The following FGF14 variants were observed in gnomAD, a reference collection of about 807,000 sequenced individuals.
The protein encoded by FGF14 is fibroblast growth factor homologous factor 4.
In FGF14, 5 loss-of-function variants were observed where a neutral mutation model predicts 25.5. The observed-to-expected ratio is 0.20, with a 90% confidence interval of 0.10 to 0.41. The LOEUF is 0.41. Among genes scored for constraint, FGF14 ranks in the 10% least tolerant of loss-of-function variants. The pLI, the probability that FGF14 is intolerant of heterozygous loss-of-function variation, is 1.00. For missense variants in FGF14, 222 were observed against 320.1 expected (o/e 0.69, Z 2.34); for synonymous variants, 138 against 118.3 (o/e 1.17, Z -1.08).
chr13:102,211,317 C>T (rs2050149057), intron 1 of FGF14, among the ~76,000 whole-genome samples: 1 of 152,116 alleles, frequency 6.6e-6, no homozygotes, highest in Admixed American at 6.5e-5. Flanking sequence ...ATTTACCCCA[C>T]TCTTATCTAA....
At chr13:101,835,711 T>C (rs2042891333) in intron 3 of FGF14, among the ~76,000 whole-genome samples, 2 of 151,918 alleles carry the variant, frequency 1.3e-5, no homozygotes, top group Non-Finnish European at 2.9e-5. Flanking sequence ...ACTGGCAAGA[T>C]GGAGGTCTCT....
At chr13:102,361,804 T>C (rs577079820) in intron 1 of FGF14, among the ~76,000 whole-genome samples, 207 of 152,324 alleles carry the variant, frequency 1.4e-3, no homozygotes, top group African/African-American at 4.7e-3. Context: ...TTCATTAGGT[T>C]ATGATTTTAA....
chr13:102,002,919 C>T (rs1487759225), intron 1 of FGF14: 1 of 152,154 alleles, frequency 6.6e-6, no homozygotes, highest in East Asian at 1.9e-4. Context: ...TTCCTTACAG[C>T]TGTGTCCTTA....
At chr13:101,747,728 C>T (rs1422364253) in intron 3 of FGF14, among the ~76,000 whole-genome samples, 1 of 151,784 alleles carries the variant, frequency 6.6e-6, no homozygotes, top group East Asian at 1.9e-4. Context: ...ACTATGCATC[C>T]AACAAAAGAT....
intron 1 of FGF14, among the ~76,000 whole-genome samples, chr13:102,070,871 C>T (rs1000104389): frequency 6.6e-6 from 1 of 152,004 alleles, no homozygotes. Context: ...GCCATGAAGC[C>T]GAAACTACAA....
Position 102,400,058 on chromosome 13 carries a change from C to T in FGF14, c.208+1413G>A, listed in dbSNP as rs898447255. On this transcript the variant is annotated intron_variant, in intron 1 of 4. Coordinates refer to the FGF14 transcript ENST00000376131. The surrounding 1 kb of genome is among the most constrained non-coding windows in gnomAD (Gnocchi z 4.3). The stretch of plus-strand genomic sequence containing the variant: ...CACCCACCGCCTCCGTCCCCGCCCA[C>T]CCGCACCTCCTCCTCCTCTGCCTCG... Among the ~76,000 whole-genome samples, 1 of 152,108 alleles carries T rather than the reference C, an allele frequency of 6.6e-6. No individual in the cohort carries two copies. The highest frequency in any genetic ancestry group is 2.4e-5 in the African/African-American group (1 of 41,434).
intron 3 of FGF14, among the ~76,000 whole-genome samples, chr13:101,795,526 T>C (rs1421467226): frequency 6.6e-6 from 1 of 152,126 alleles, no homozygotes; most frequent in Admixed American, 6.6e-5. Flanking sequence ...TCCATACCCC[T>C]GACTCATATC....
At chr13:101,850,441 G>A (rs1451998481) in intron 3 of FGF14, among the ~76,000 whole-genome samples, 3 of 126,870 alleles carry the variant, frequency 2.4e-5, no homozygotes, top group East Asian at 4.6e-4. Flanking sequence ...GAAACAGGGC[G>A]AGACTCTGTC....
At chr13:102,217,785 G>A (rs891746453) in intron 1 of FGF14, among the ~76,000 whole-genome samples, 2 of 152,092 alleles carry the variant, frequency 1.3e-5, no homozygotes, top group South Asian at 4.1e-4. Context: ...CCGGTGAAGC[G>A]CTACAGCTGA....
At chr13:102,258,564 A>G (rs552580927) in intron 1 of FGF14, among the ~76,000 whole-genome samples, 1 of 152,124 alleles carries the variant, frequency 6.6e-6, no homozygotes, top group Admixed American at 6.5e-5. Context: ...TATTGCCCCC[A>G]TACCTTCAGT....
intron 1 of FGF14, among the ~76,000 whole-genome samples, chr13:102,083,985 A>G (rs912190438): frequency 1.3e-5 from 2 of 152,142 alleles, no homozygotes; most frequent in Non-Finnish European, 2.9e-5. Context: ...GTCTCTCTTA[A>G]TCTCCGAGTT....
chr13:102,075,500 G>C (rs538555960), intron 1 of FGF14, among the ~76,000 whole-genome samples: 2 of 152,242 alleles, frequency 1.3e-5, no homozygotes, highest in South Asian at 4.1e-4. Context: ...CTACTGTGCT[G>C]CCAGTCATCT....
chr13:101,937,537 C>A (rs537324216), intron 1 of FGF14, among the ~76,000 whole-genome samples: 118 of 152,202 alleles, frequency 7.8e-4, no homozygotes, highest in Admixed American at 2.3e-3. Flanking sequence ...TTACTGACAC[C>A]TTGACCGTGG....
chr13:101,932,393 C>T (rs111842027), intron 1 of FGF14, among the ~76,000 whole-genome samples: 4 of 151,676 alleles, frequency 2.6e-5, no homozygotes, highest in Non-Finnish European at 5.9e-5. Context: ...GTTAGCTGGG[C>T]GTGGTGGCTG....
chr13:102,306,994 C>T lies in FGF14; in HGVS notation c.208+94477G>A, dbSNP rs140682133. Among the ~76,000 whole-genome samples, 41 of 152,174 alleles carry T rather than the reference C, an allele frequency of 2.7e-4. No individual in the cohort carries two copies. The East Asian group carries it at 6.4e-3, about 24-fold the overall frequency. On this transcript the variant is annotated intron_variant, in intron 1 of 4. Transcript: ENST00000376131. ...AAAGAGTATCCTGAATGACCCAGGG[C>T]ATTTCTCTGGGTCCAATCTAATCCT... is the stretch of plus-strand genomic sequence containing the variant.
At chr13:102,132,768 G>C (rs961371127) in intron 1 of FGF14, among the ~76,000 whole-genome samples, 1 of 151,992 alleles carries the variant, frequency 6.6e-6, no homozygotes, top group Non-Finnish European at 1.5e-5. Context: ...CAATCCACCC[G>C]CCTCAGCCTC....
At chr13:101,772,337 C>T (rs1042993185) in intron 3 of FGF14, among the ~76,000 whole-genome samples, 8 of 152,000 alleles carry the variant, frequency 5.3e-5, no homozygotes, top group Admixed American at 2.6e-4. Context: ...AATAGCAAAT[C>T]GTCTCTGAAT....
At chr13:102,267,538 A>T (rs1375181112) in intron 1 of FGF14, among the ~76,000 whole-genome samples, 1 of 152,232 alleles carries the variant, frequency 6.6e-6, no homozygotes, top group African/African-American at 2.4e-5. Flanking sequence ...AAAGTTATGT[A>T]TCATACATGT....
chr13:101,772,665 T>C (rs1228570050), intron 3 of FGF14, among the ~76,000 whole-genome samples: 4 of 152,158 alleles, frequency 2.6e-5, no homozygotes, highest in Non-Finnish European at 5.9e-5. Flanking sequence ...ATTAAACAGA[T>C]ACATTATGTG....
Sources: gnomAD v4.1 joint callset for allele counts (sites outside exome capture counted in the v4.1 genomes callset) on GRCh38, gnomAD v4.1.1 for gene constraint, Gnocchi (gnomAD v3.1) non-coding constraint, MANE v1.5 for transcripts, NCBI Gene and HGNC (gene_info 2026-07-23, HGNC 2026-07-21) for gene names.